Variants in CFTR observed in about 807,000 individuals in gnomAD.
CFTR encodes the protein cystic fibrosis transmembrane conductance regulator.
A neutral mutation model predicts 171.6 loss-of-function variants in CFTR; 181 were observed. The observed-to-expected ratio is 1.05, with a 90% CI of 0.93 to 1.19. The LOEUF is 1.19. Ranked by LOEUF, CFTR falls within the 50% of genes most tolerant of loss-of-function variation. The pLI, the probability that CFTR is intolerant of heterozygous loss-of-function variation, is 0.00. For synonymous variants in CFTR, 583 were observed against 608.0 expected, an observed-to-expected ratio of 0.96 and a Z score of 0.60; for missense variants, 1,968 against 1,734.7, an observed-to-expected ratio of 1.13 and a Z score of -2.39.
In CFTR at chr7:117,627,692, A is replaced by G; in HGVS notation, c.3639A>G (p.Lys1213=). The change falls in exon 22 of 27, where the codon AAA becomes AAG. Residue 1213 remains lysine (K), a synonymous_variant. Coordinates refer to ENST00000003084, the MANE Select transcript of CFTR (RefSeq NM_000492.4). The stretch of plus-strand genomic sequence containing the variant: ...CCTCAGGGGGCCAAATGACTGTCAA[A>G]GATCTCACAGCAAAATACACAGAAG... ...IWPSGGQMTV[K]DLTAKYTEGG... is the part of the protein sequence containing the mutation. The G allele has an allele frequency of 6.2e-7, 1 of 1,613,316 alleles. No homozygotes were observed. The highest frequency in any genetic ancestry group is 2.2e-5 in the East Asian group (1 of 44,816).
intron 15 of CFTR, among the ~76,000 whole-genome samples, chr7:117,595,847 T>C (rs1792113380): frequency 6.6e-6 from 1 of 152,134 alleles, no homozygotes; most frequent in African/African-American, 2.4e-5. Context: ...GATTGTGCCA[T>C]TGCATTCCAG....
At chr7:117,612,218 A>G (rs1036981614) in intron 20 of CFTR, among the ~76,000 whole-genome samples, 2 of 140,234 alleles carry the variant, frequency 1.4e-5, no homozygotes, top group Non-Finnish European at 3.0e-5. Flanking sequence ...AAGAGGGGAA[A>G]TGAAACATCC....
chr7:117,576,622 CT>C (rs1020531361), intron 11 of CFTR, among the ~76,000 whole-genome samples: 1 of 151,998 alleles, frequency 6.6e-6, no homozygotes, highest in South Asian at 2.1e-4. Flanking sequence ...TATTATTTAA[CT>C]TTTTTTATTA....
At chr7:117,508,294 G>T (rs887902791) in intron 2 of CFTR, among the ~76,000 whole-genome samples, 3 of 152,126 alleles carry the variant, frequency 2.0e-5, no homozygotes, top group Admixed American at 6.5e-5. Flanking sequence ...TTCATTAACA[G>T]AAATCAGTGG....
rs923561324 is a variant in CFTR at position 117,648,911 on chromosome 7, A to G, written c.3874-3931A>G. On this transcript the variant is annotated intron_variant, in intron 23 of 26. Coordinates refer to ENST00000003084, the MANE Select transcript of CFTR (RefSeq NM_000492.4). ...TTGTTCAGTTAAATTTTTTTTTTCA[A>G]TTAGAGTGCTTACTTCAGTATCTAA... Among the ~76,000 whole-genome samples, 7 of 151,990 alleles carry G rather than the reference A, an allele frequency of 4.6e-5. 1 individual carries two copies. The highest frequency in any genetic ancestry group is 1.9e-4 in the East Asian group (1 of 5,196).
chr7:117,522,072 C>T (rs1025941736), intron 3 of CFTR, among the ~76,000 whole-genome samples: 2 of 152,096 alleles, frequency 1.3e-5, no homozygotes, highest in African/African-American at 2.4e-5. Context: ...CAAATTTTCC[C>T]TGGGAGGCTG....
intron 15 of CFTR, 108 bp from the exon 16 acceptor site, chr7:117,602,716 CTT>C: frequency 2.2e-6 from 2 of 909,290 alleles, no homozygotes; most frequent in Non-Finnish European, 3.7e-6. Context: ...TTGTGTGTAC[CTT>C]GATATTGGTA....
In CFTR at chr7:117,614,671, A is replaced by C; in HGVS notation, c.3426A>C (p.Thr1142=). ...CTTTAGCCATGAATATCATGAGTAC[A>C]TTGCAGTGGGCTGTAAACTCCAGCA... ...ILTLAMNIMS[T]LQWAVNSSID... is the part of the protein sequence containing the mutation. The change falls in exon 21 of 27, where the codon ACA becomes ACC. Residue 1142 remains threonine, a synonymous_variant. Coordinates refer to ENST00000003084, the MANE Select transcript of CFTR (RefSeq NM_000492.4). The C allele has an allele frequency of 6.2e-7, 1 of 1,612,600 alleles. No individual in the cohort carries two copies. Among genetic ancestry groups the C allele is most frequent in the East Asian group, 2.2e-5 (1 of 44,788 alleles).
chr7:117,500,838 T>C (rs1798312887), intron 1 of CFTR, among the ~76,000 whole-genome samples: 1 of 152,220 alleles, frequency 6.6e-6, no homozygotes, highest in Non-Finnish European at 1.5e-5. Flanking sequence ...ACTGAATTTG[T>C]TTGGTTTGAT....
chr7:117,665,272 T>A (rs1311147712), intron 25 of CFTR, among the ~76,000 whole-genome samples, 187 bp from the exon 26 acceptor site: 1 of 152,238 alleles, frequency 6.6e-6, no homozygotes. Context: ...TGTTTATTTA[T>A]GGATACTTAG....
At chr7:117,623,496 A>G (rs1455794365) in intron 21 of CFTR, among the ~76,000 whole-genome samples, 2 of 152,248 alleles carry the variant, frequency 1.3e-5, no homozygotes, top group South Asian at 4.1e-4. Context: ...TTTATGTATC[A>G]GGTGAAAATG....
At chr7:117,587,635 A>G in intron 11 of CFTR, 104 bp from the exon 12 acceptor site, 2 of 734,020 alleles carry the variant, frequency 2.7e-6, no homozygotes, top group South Asian at 3.0e-5. Flanking sequence ...ACTGTGGTTA[A>G]AGCAATAGTG....
At chr7:117,606,833 T>C in intron 18 of CFTR, 80 bp downstream of exon 18, 4 of 896,336 alleles carry the variant, frequency 4.5e-6, no homozygotes, top group Middle Eastern at 4.4e-4. Context: ...TTTGTTTTCA[T>C]TTTTTATTTG....
chr7:117,545,441 C>T (rs1799124363), intron 9 of CFTR, among the ~76,000 whole-genome samples: 1 of 152,264 alleles, frequency 6.6e-6, no homozygotes, highest in Admixed American at 6.5e-5. Flanking sequence ...CTCTCAAATG[C>T]GCATCTCTGG....
chr7:117,490,653 A>G (rs1441164780), intron 1 of CFTR, among the ~76,000 whole-genome samples: 1 of 152,114 alleles, frequency 6.6e-6, no homozygotes. Flanking sequence ...AAAATTAACC[A>G]TCACTCTCTG....
intron 11 of CFTR, chr7:117,560,876 G>T (rs989456360): frequency 2.0e-5 from 3 of 152,036 alleles, no homozygotes; most frequent in Admixed American, 2.0e-4. Context: ...GAGGGGACTA[G>T]GTTGTAGCAG....
At chr7:117,648,307 T>C (rs939307988) in intron 23 of CFTR, among the ~76,000 whole-genome samples, 2 of 151,982 alleles carry the variant, frequency 1.3e-5, no homozygotes, top group African/African-American at 2.4e-5. Flanking sequence ...TATTGTTTTT[T>C]GTTTGACATC....
At chr7:117,496,946 A>T (rs1798250109) in intron 1 of CFTR, among the ~76,000 whole-genome samples, 1 of 143,506 alleles carries the variant, frequency 7.0e-6, no homozygotes, top group Admixed American at 7.0e-5. Flanking sequence ...ATGTTTGTGG[A>T]TTTTCTTTTC....
chr7:117,486,415 G>A (rs1300782874), intron 1 of CFTR, among the ~76,000 whole-genome samples: 2 of 152,104 alleles, frequency 1.3e-5, no homozygotes, highest in Non-Finnish European at 2.9e-5. Flanking sequence ...CAGCTTTCTC[G>A]AGGGCTTCAT....
Sources: gnomAD v4.1 joint callset for allele counts (sites outside exome capture counted in the v4.1 genomes callset) on GRCh38, gnomAD v4.1.1 for gene constraint, MANE v1.5 for transcripts, NCBI Gene and HGNC (gene_info 2026-07-23, HGNC 2026-07-21) for gene names.